The following NAALADL2 variants were observed in gnomAD, a reference collection of about 807,000 sequenced individuals.
NAALADL2 encodes the protein N-acetylated alpha-linked acidic dipeptidase like 2.
A neutral mutation model predicts 87.2 loss-of-function variants in NAALADL2; 76 were observed. The ratio of observed to expected loss-of-function variants is 0.87; its 90% CI spans 0.72 to 1.05. NAALADL2 has a LOEUF of 1.05. Among genes scored for constraint, NAALADL2 ranks in the 50% least tolerant of loss-of-function variants. The pLI is 0.00. For synonymous variants in NAALADL2, 354 were observed against 331.0 expected, an observed-to-expected ratio of 1.07 and a Z score of -0.75; for missense variants, 1,089 against 945.8, an observed-to-expected ratio of 1.15 and a Z score of -1.99.
At chr3:175,357,278 T>A (rs1430118658) in intron 5 of NAALADL2, among the ~76,000 whole-genome samples, 1 of 152,178 alleles carries the variant, frequency 6.6e-6, no homozygotes, top group Non-Finnish European at 1.5e-5. Flanking sequence ...CAGGCTATGC[T>A]GCTGTATTAT....
intron 11 of NAALADL2, among the ~76,000 whole-genome samples, chr3:175,702,981 T>C (rs888229382): frequency 2.0e-5 from 3 of 152,142 alleles, no homozygotes; most frequent in Non-Finnish European, 4.4e-5. Context: ...ATTCCACCAA[T>C]GTGCTACAAA....
At chr3:175,730,407 T>TATATATATATAG (rs1743533177) in intron 11 of NAALADL2, among the ~76,000 whole-genome samples, 4 of 71,976 alleles carry the variant, frequency 5.6e-5, no homozygotes, top group Non-Finnish European at 1.1e-4. Flanking sequence ...TATATATATA[T>TATATATATATAG]ATATATATAT....
At chr3:175,652,587 T>A (rs1730922399) in intron 11 of NAALADL2, among the ~76,000 whole-genome samples, 1 of 150,962 alleles carries the variant, frequency 6.6e-6, no homozygotes, top group South Asian at 2.1e-4. Flanking sequence ...CACGCCATTC[T>A]CCTGCCTCAG....
At chr3:175,008,599 C>T (rs890154442) in intron 1 of NAALADL2, among the ~76,000 whole-genome samples, 1 of 152,144 alleles carries the variant, frequency 6.6e-6, no homozygotes, top group Non-Finnish European at 1.5e-5. Context: ...AAGAGAATCA[C>T]ATAAGCTCCC....
At chr3:174,839,636 A>G (rs1723777570) in intron 3 of NAALADL2, among the ~76,000 whole-genome samples, 2 of 152,122 alleles carry the variant, frequency 1.3e-5, no homozygotes, top group Admixed American at 1.3e-4. Context: ...ACTAACTCAA[A>G]AAAATCAGCA....
intron 5 of NAALADL2, among the ~76,000 whole-genome samples, chr3:175,355,647 G>A (rs1166715465): frequency 6.6e-6 from 1 of 152,068 alleles, no homozygotes; most frequent in East Asian, 1.9e-4. Flanking sequence ...CAGAAATCCT[G>A]CTCTTTCTCA....
chr3:174,827,499 C>T lies in NAALADL2; in HGVS notation c.-9+89753C>T, dbSNP rs549621652. Among the ~76,000 whole-genome samples, 9 of 152,250 alleles carry T rather than the reference C, an allele frequency of 5.9e-5. No homozygotes were observed. In the South Asian group the frequency reaches 1.7e-3, roughly 28 times the overall value. On this transcript the variant is annotated intron_variant, in intron 3 of 3. Transcript: ENST00000434257. ...CTGTTTCACATCACTTCTCTCTGAC[C>T]GTTTTTGGTGTCTGTTCATCTTGTA...
At chr3:174,873,708 A>G (rs1728144068) in intron 1 of NAALADL2, among the ~76,000 whole-genome samples, 1 of 152,034 alleles carries the variant, frequency 6.6e-6, no homozygotes, top group South Asian at 2.1e-4. Flanking sequence ...GAAGCCTATT[A>G]TATGCCAGGT....
intron 4 of NAALADL2, among the ~76,000 whole-genome samples, chr3:175,263,657 G>T (rs992818920): frequency 1.3e-5 from 2 of 151,578 alleles, no homozygotes; most frequent in African/African-American, 4.8e-5. Context: ...TTAAATAAAG[G>T]TGCTGAGCAT....
At chr3:175,672,005 T>C (rs1304560641) in intron 11 of NAALADL2, among the ~76,000 whole-genome samples, 1 of 152,140 alleles carries the variant, frequency 6.6e-6, no homozygotes, top group Non-Finnish European at 1.5e-5. Flanking sequence ...ACGCTTCTAA[T>C]CCATGACTTC....
At chr3:174,925,095 T>A (rs1406094046) in intron 1 of NAALADL2, among the ~76,000 whole-genome samples, 1 of 152,238 alleles carries the variant, frequency 6.6e-6, no homozygotes, top group Non-Finnish European at 1.5e-5. Context: ...TTTGTCAATT[T>A]TGGCTTTTGT....
intron 6 of NAALADL2, among the ~76,000 whole-genome samples, chr3:175,453,298 A>G (rs1721847381): frequency 6.6e-6 from 1 of 152,128 alleles, no homozygotes; most frequent in Non-Finnish European, 1.5e-5. Context: ...GTCATTTACT[A>G]AACAAAAACT....
intron 13 of NAALADL2, among the ~76,000 whole-genome samples, chr3:175,800,161 T>C (rs1394011646): frequency 1.3e-5 from 2 of 152,162 alleles, no homozygotes; most frequent in East Asian, 3.9e-4. Context: ...GCCAGCAGTG[T>C]TGGTGATGAG....
intron 2 of NAALADL2, among the ~76,000 whole-genome samples, chr3:175,229,717 A>T (rs939651047): frequency 6.6e-6 from 1 of 151,966 alleles, no homozygotes; most frequent in Non-Finnish European, 1.5e-5. Context: ...ATGAATAAAC[A>T]TTCAGACTAC....
intron 1 of NAALADL2, among the ~76,000 whole-genome samples, chr3:174,550,338 C>T (rs1485398839): frequency 6.6e-6 from 1 of 151,794 alleles, no homozygotes; most frequent in African/African-American, 2.4e-5. Context: ...ATCCTGATTA[C>T]CTGTAATTAA....
intron 9 of NAALADL2, among the ~76,000 whole-genome samples, chr3:175,564,965 G>A (rs187997481): frequency 6.6e-6 from 1 of 152,214 alleles, no homozygotes; most frequent in Non-Finnish European, 1.5e-5. Flanking sequence ...TGCCAATGTG[G>A]CAAAGGAATC....
At chr3:175,422,218 A>G (rs79576956) in intron 5 of NAALADL2, among the ~76,000 whole-genome samples, 3,621 of 152,222 alleles carry the variant, frequency 0.024, 159 homozygotes, top group East Asian at 0.14. Context: ...GCAGCAAATC[A>G]TGCGTTGACC....
At chr3:175,286,134 A>T (rs1754942047) in intron 4 of NAALADL2, among the ~76,000 whole-genome samples, 1 of 152,182 alleles carries the variant, frequency 6.6e-6, no homozygotes, top group African/African-American at 2.4e-5. Context: ...GAAGAAAATA[A>T]TTTTATTATG....
At chr3:175,333,891 C>T (rs556186881) in intron 5 of NAALADL2, among the ~76,000 whole-genome samples, 1 of 152,210 alleles carries the variant, frequency 6.6e-6, no homozygotes, top group African/African-American at 2.4e-5. Context: ...CCTAAATACC[C>T]TGACTGGATC....
Sources: gnomAD v4.1 joint callset for allele counts (sites outside exome capture counted in the v4.1 genomes callset) on GRCh38, gnomAD v4.1.1 for gene constraint, MANE v1.5 for transcripts, NCBI Gene and HGNC (gene_info 2026-07-23, HGNC 2026-07-21) for gene names.